BCAS3: variants seen among roughly 807,000 people sequenced by gnomAD.
BCAS3 encodes BCAS3 microtubule associated cell migration factor.
Under a neutral mutation model 116.1 loss-of-function variants are expected in BCAS3, and 53 were observed. The observed-to-expected ratio is 0.46, with a 90% CI of 0.37 to 0.57. The LOEUF (loss-of-function observed/expected upper bound fraction) is 0.57, where lower values mean the gene tolerates loss of function less well. BCAS3 is among the 20% of genes least tolerant of loss of function. The pLI, the probability that BCAS3 is intolerant of heterozygous loss-of-function variation, is 0.00. For synonymous variants in BCAS3, 391 were observed against 408.2 expected, an observed-to-expected ratio of 0.96 and a Z score of 0.51; for missense variants, 917 against 1,165.4, an observed-to-expected ratio of 0.79 and a Z score of 3.10.
Position 61,130,224 on chromosome 17 carries a change from C to T in BCAS3, c.2425+45660C>T, listed in dbSNP as rs573125078. On this transcript the variant is annotated intron_variant, in intron 22 of 23. Transcript: ENST00000407086. The surrounding 1 kb of genome is among the most constrained non-coding windows in gnomAD (Gnocchi z 5.0). ...TTACTGTAAACACTTTTTTATACGTCTCATGCTTATTAATACTTAATAATA... is the reference window on the plus strand; with the variant it reads ...TTACTGTAAACACTTTTTTATACGTTTCATGCTTATTAATACTTAATAATA... Among the ~76,000 whole-genome samples the T allele has an allele frequency of 4.6e-5, 7 of 152,308 alleles. No individual in the cohort carries two copies. The East Asian group carries it at 1.3e-3, about 29-fold the overall frequency.
intron 7 of BCAS3, among the ~76,000 whole-genome samples, chr17:60,842,309 G>GT (rs1238649386): frequency 6.6e-6 from 1 of 151,888 alleles, no homozygotes; most frequent in Non-Finnish European, 1.5e-5. Context: ...TCAGCTTTAT[G>GT]TTTTTTTGGT....
At chr17:61,321,043 C>T (rs2055168546) in intron 22 of BCAS3, among the ~76,000 whole-genome samples, 1 of 152,156 alleles carries the variant, frequency 6.6e-6, no homozygotes, top group South Asian at 2.1e-4. Flanking sequence ...TAAGATTTTC[C>T]ATAACATCCA....
At position 61,368,143 on chromosome 17, in the gene BCAS3, C is replaced by T. The variant is rs2058837224; in HGVS notation, c.2426-184C>T. ...GTGTCACGGAAGTCACTCCAGAGGT[C>T]TGCACTCTCTCAGCGGCATGAGCTA... On this transcript the variant is annotated intron_variant, in intron 22 of 23. Transcript: ENST00000407086. The surrounding 1 kb of genome is among the most constrained non-coding windows in gnomAD (Gnocchi z 6.0). 2 of 542,184 alleles carry T rather than the reference C, an allele frequency of 3.7e-6. No homozygotes were observed. The highest frequency in any genetic ancestry group is 6.4e-6 in the Non-Finnish European group (2 of 314,164). The allele number at this position is 542,184 out of a possible 1,614,324, so 33.6% of individuals were successfully genotyped here. A position where few individuals can be genotyped will look rare whatever the true frequency, so the allele number is the denominator to read the frequency against.
At chr17:60,811,208 G>A (rs1185046978) in intron 7 of BCAS3, 5 of 714,034 alleles carry the variant, frequency 7.0e-6, no homozygotes, top group African/African-American at 1.8e-5. Flanking sequence ...TGCACCTAGA[G>A]TCAGAGCTGG....
chr17:61,078,140 A>G (rs2072207388), intron 20 of BCAS3, among the ~76,000 whole-genome samples, 193 bp from the exon 21 acceptor site: 1 of 152,200 alleles, frequency 6.6e-6, no homozygotes. Flanking sequence ...GATGAAAAGC[A>G]GTAGAGGGAT....
rs767650864 is a variant in BCAS3, at chr17:61,122,732, C to CA, written c.2425+38174dup. Among the ~76,000 whole-genome samples the CA allele has an allele frequency of 5.9e-5, 9 of 152,108 alleles. No individual in the cohort carries two copies. The highest frequency in any genetic ancestry group is 2.2e-4 in the African/African-American group (9 of 41,510). On this transcript the variant is annotated intron_variant, in intron 22 of 23. Coordinates refer to ENST00000407086, the MANE Select transcript of BCAS3 (RefSeq NM_017679.5). This position sits in a 1 kb window ranked among gnomAD's most constrained non-coding sequence, Gnocchi z 4.6. ...CACATAGACAAAAAACAAAACAAAA[C>CA]AAAAAACCATCTCAGCAAAAATAAA...
chr17:61,175,791 TA>T (rs2079097790), intron 22 of BCAS3, among the ~76,000 whole-genome samples: 1 of 152,084 alleles, frequency 6.6e-6, no homozygotes, highest in Admixed American at 6.5e-5. Flanking sequence ...TATATAAATA[TA>T]AAAAGCTCAG....
intron 22 of BCAS3, among the ~76,000 whole-genome samples, chr17:61,250,483 C>G (rs2048288915): frequency 6.6e-6 from 1 of 152,142 alleles, no homozygotes; most frequent in Non-Finnish European, 1.5e-5. Flanking sequence ...TAACTGAGCA[C>G]TGCTCTGTGC....
intron 22 of BCAS3, among the ~76,000 whole-genome samples, chr17:61,329,712 T>G (rs969424590): frequency 5.7e-4 from 86 of 152,088 alleles, no homozygotes; most frequent in African/African-American, 2.1e-3. Flanking sequence ...AGGGCAGGAA[T>G]GGTGACTGAC....
At chr17:60,811,885 C>CAA (rs199818536) in intron 7 of BCAS3, among the ~76,000 whole-genome samples, 2 of 151,286 alleles carry the variant, frequency 1.3e-5, no homozygotes, top group East Asian at 1.9e-4. Flanking sequence ...CTGTCTCTAC[C>CAA]AAAAAAAATA....
At chr17:61,093,899 A>G (rs1289699804) in intron 22 of BCAS3, among the ~76,000 whole-genome samples, 1 of 152,102 alleles carries the variant, frequency 6.6e-6, no homozygotes, top group Non-Finnish European at 1.5e-5. Context: ...TTGCATTTCC[A>G]CACATGTGCA....
At chr17:61,030,492 A>G (rs16944755) in intron 16 of BCAS3, among the ~76,000 whole-genome samples, 10,168 of 152,162 alleles carry the variant, frequency 0.067, 1,027 homozygotes, top group African/African-American at 0.22. Flanking sequence ...AAAATGGGGA[A>G]CTTTAGTAGC....
Position 61,065,221 on chromosome 17 carries a change from CT to C in BCAS3, c.2030-9697del, listed in dbSNP as rs1287631213. ...ATTATAATTCCTCCTCTGTGAATTG[CT>C]TGTTCATTGGGAACTGCCTTTGTTC... On this transcript the variant is annotated intron_variant, in intron 19 of 23. Transcript: ENST00000407086. The surrounding 1 kb of genome is among the most constrained non-coding windows in gnomAD (Gnocchi z 4.8). Among the ~76,000 whole-genome samples, 1 of 152,096 alleles carries C rather than the reference CT, an allele frequency of 6.6e-6. No individual in the cohort carries two copies. Among genetic ancestry groups the C allele is most frequent in the African/African-American group, 2.4e-5 (1 of 41,414 alleles).
intron 22 of BCAS3, among the ~76,000 whole-genome samples, chr17:61,094,586 G>A (rs762364314): frequency 2.4e-4 from 37 of 152,238 alleles, no homozygotes; most frequent in African/African-American, 1.7e-4. Context: ...GATGGCACAC[G>A]CGTATAATCC....
intron 22 of BCAS3, among the ~76,000 whole-genome samples, chr17:61,298,810 A>ATTTG (rs2053170506): frequency 2.2e-5 from 3 of 136,840 alleles, no homozygotes; most frequent in African/African-American, 9.1e-5. Flanking sequence ...TTATTTATTT[A>ATTTG]TTTATTTATT....
chr17:60,878,739 C>G (rs1252933148), intron 9 of BCAS3, among the ~76,000 whole-genome samples: 22 of 151,896 alleles, frequency 1.4e-4, no homozygotes, highest in Admixed American at 1.4e-3. Context: ...TCTTGAAAAC[C>G]CTAGGGGTCA....
Position 61,377,407 on chromosome 17 carries a change from C to T in BCAS3, c.2593+8913C>T, listed in dbSNP as rs1281697267. Among the ~76,000 whole-genome samples, 1 of 152,190 alleles carries T rather than the reference C, an allele frequency of 6.6e-6. No individual in the cohort carries two copies. The highest frequency in any genetic ancestry group is 1.5e-5 in the Non-Finnish European group (1 of 68,030). On this transcript the variant is annotated intron_variant, in intron 23 of 23. Coordinates refer to ENST00000407086, the MANE Select transcript of BCAS3 (RefSeq NM_017679.5). The surrounding 1 kb of genome is among the most constrained non-coding windows in gnomAD (Gnocchi z 4.6). ...CGGTTCAGTGTCGGATTGCCTATTCCTAGCTATTTTCCACTGGCAGGAGAG... is the reference window on the plus strand; with the variant it reads ...CGGTTCAGTGTCGGATTGCCTATTCTTAGCTATTTTCCACTGGCAGGAGAG...
intron 22 of BCAS3, among the ~76,000 whole-genome samples, chr17:61,308,383 C>G (rs1277972601): frequency 6.6e-6 from 1 of 151,254 alleles, no homozygotes; most frequent in Non-Finnish European, 1.5e-5. Flanking sequence ...CCCCATCCCC[C>G]TCACCGCCCC....
At chr17:61,240,638 A>G (rs570523208) in intron 22 of BCAS3, among the ~76,000 whole-genome samples, 1 of 152,224 alleles carries the variant, frequency 6.6e-6, no homozygotes, top group Non-Finnish European at 1.5e-5. Flanking sequence ...TAGGCAACAG[A>G]GACTCCATCT....
Sources: gnomAD v4.1 joint callset for allele counts (sites outside exome capture counted in the v4.1 genomes callset) on GRCh38, gnomAD v4.1.1 for gene constraint, Gnocchi (gnomAD v3.1) non-coding constraint, MANE v1.5 for transcripts, NCBI Gene and HGNC (gene_info 2026-07-23, HGNC 2026-07-21) for gene names.